ASB15: variants seen among roughly 807,000 people sequenced by gnomAD.
The protein encoded by ASB15 is ankyrin repeat and SOCS box protein 15.
Under a neutral mutation model 58.0 loss-of-function variants are expected in ASB15, and 54 were observed. The ratio of observed to expected loss-of-function variants is 0.93; its 90% CI spans 0.75 to 1.17. The LOEUF (loss-of-function observed/expected upper bound fraction) is 1.17. Ranked by LOEUF, ASB15 falls within the 50% of genes most tolerant of loss-of-function variation. The probability of loss-of-function intolerance (pLI) is 0.00; values close to 1 mark genes in which losing one functional copy is unlikely to be tolerated. For synonymous variants in ASB15, 249 were observed against 262.4 expected (o/e 0.95, Z 0.50); for missense variants, 680 against 707.4 (o/e 0.96, Z 0.44).
intron 9 of ASB15, 32 bp from the exon 10 acceptor site, chr7:123,628,832 T>G (rs1801962090): frequency 1.5e-6 from 2 of 1,375,728 alleles, no homozygotes; most frequent in South Asian, 2.9e-5. Flanking sequence ...ATTTTCTTTA[T>G]GGCAAGTAGA....
At chr7:123,588,559 CT>C (rs1221828335) in intron 1 of ASB15, among the ~76,000 whole-genome samples, 1 of 148,850 alleles carries the variant, frequency 6.7e-6, no homozygotes, top group African/African-American at 2.5e-5. Flanking sequence ...TTCTTTCCTT[CT>C]TCCTTCCTTC....
At chr7:123,624,894 A>G (rs181853307) in intron 8 of ASB15, 80 bp downstream of exon 8, 2 of 1,458,432 alleles carry the variant, frequency 1.4e-6, no homozygotes, top group East Asian at 2.5e-5. Flanking sequence ...ACTCTTCCTC[A>G]CCTGAATGTA....
chr7:123,620,762 C>A (rs1270724311), intron 7 of ASB15, among the ~76,000 whole-genome samples: 1 of 150,176 alleles, frequency 6.7e-6, no homozygotes, highest in African/African-American at 2.5e-5. Flanking sequence ...CAGGGTTTCA[C>A]CATGTTAGCT....
rs1802505701 is a variant in ASB15 at position 123,637,889 on chromosome 7, A to AAAAAAAAAAAAAAAAAAAAAAAC, written c.*919_*920insAAAAAAAAAAACAAAAAAAAAAA. On this transcript the variant is annotated 3_prime_UTR_variant, in exon 12 of 12. Transcript: ENST00000451215. ...GTCCCCAGATGAACTAAAAAAAAAA[A>AAAAAAAAAAAAAAAAAAAAAAAC]AAAAAAAAAAACCTCTTTCCCGAGC... 1 of 148,958 alleles carries AAAAAAAAAAAAAAAAAAAAAAAC rather than the reference A, an allele frequency of 6.7e-6. No homozygotes were observed. Among genetic ancestry groups the AAAAAAAAAAAAAAAAAAAAAAAC allele is most frequent in the South Asian group, 2.2e-4 (1 of 4,554 alleles). 9.2% of individuals were successfully genotyped at this position (148,958 alleles called of 1,614,324 possible).
chr7:123,601,418 G>T (rs1799876971), upstream of ASB15, among the ~76,000 whole-genome samples: 1 of 152,118 alleles, frequency 6.6e-6, no homozygotes. Flanking sequence ...ATGACAAGAA[G>T]ATTGTATTTA....
rs1802511591 is a variant in ASB15 at position 123,637,982 on chromosome 7, C to G, written c.*1001C>G. On this transcript the variant is annotated 3_prime_UTR_variant, in exon 12 of 12. Transcript: ENST00000451215. ...AGCCTGGACATTAGGTTTGACCATC[C>G]CATTTTCCTCACCCAATAAGACAAA... 6.6e-6 allele frequency: 1 copy of G among 151,302 alleles called. No homozygotes were observed. The highest frequency in any genetic ancestry group is 2.1e-4 in the South Asian group (1 of 4,768). 9.4% of individuals were successfully genotyped at this position (151,302 alleles called of 1,614,324 possible).
chr7:123,580,065 T>C (rs1799183355), intron 1 of ASB15, among the ~76,000 whole-genome samples: 1 of 151,918 alleles, frequency 6.6e-6, no homozygotes, highest in African/African-American at 2.4e-5. Flanking sequence ...GGAAAAGAGA[T>C]TGGCGGGATT....
chr7:123,575,004 C>G (rs1799024675), intron 1 of ASB15, among the ~76,000 whole-genome samples: 1 of 150,334 alleles, frequency 6.7e-6, no homozygotes, highest in Non-Finnish European at 1.5e-5. Flanking sequence ...TACATTGATC[C>G]TTTTCCCTAA....
chr7:123,615,334 A>G (rs1800733023), intron 4 of ASB15: 1 of 152,180 alleles, frequency 6.6e-6, no homozygotes, highest in African/African-American at 2.4e-5. Context: ...AGTGTTTAAA[A>G]TCTTGTATTC....
At chr7:123,630,143 C>T in intron 11 of ASB15, 24 bp downstream of exon 11, 1 of 1,528,310 alleles carries the variant, frequency 6.5e-7, no homozygotes, top group Non-Finnish European at 8.9e-7. Flanking sequence ...GTTTTGCCTA[C>T]AATTTTTAAA....
rs1359047916 is a variant in ASB15 at position 123,629,380 on chromosome 7, G to C, written c.1386G>C (p.Glu462Asp). 1.9e-6 allele frequency: 3 copies of C among 1,613,780 alleles called. No homozygotes were observed. The highest frequency in any genetic ancestry group is 3.3e-5 in the Admixed American group (2 of 60,012). Reference protein sequence around the residue: ...DIFGNSFVWSEIQEEVLPGWT... With the variant: ...DIFGNSFVWSDIQEEVLPGWT... ...TTGGAAATTCATTTGTGTGGTCAGA[G>C]ATACAGGAAGAGGTGCTGCCAGGAT... Residue 462 changes from glutamate (E) to aspartate (D), a missense_variant, in exon 10 of 12, where the codon GAG (glutamate) becomes GAC (aspartate). Transcript: ENST00000451215.
chr7:123,574,069 ATTT>A (rs1455791079), intron 1 of ASB15, among the ~76,000 whole-genome samples: 1 of 152,094 alleles, frequency 6.6e-6, no homozygotes, highest in Non-Finnish European at 1.5e-5. Flanking sequence ...ATAGCAGTCT[ATTT>A]CCACATGATT....
chr7:123,586,499 T>C (rs956100030), intron 1 of ASB15, among the ~76,000 whole-genome samples: 1 of 151,788 alleles, frequency 6.6e-6, no homozygotes, highest in African/African-American at 2.4e-5. Context: ...ATTTTCTCCC[T>C]TGGTTGCATT....
At chr7:123,636,074 A>G (rs1312636004) in intron 11 of ASB15, among the ~76,000 whole-genome samples, 1 of 152,100 alleles carries the variant, frequency 6.6e-6, no homozygotes, top group Non-Finnish European at 1.5e-5. Context: ...TATTTCACAG[A>G]TGAGAATACC....
chr7:123,584,702 A>G (rs928086406), intron 1 of ASB15, among the ~76,000 whole-genome samples: 1 of 152,032 alleles, frequency 6.6e-6, no homozygotes, highest in East Asian at 1.9e-4. Context: ...TTAGCTTTCA[A>G]TGTGCCAGAA....
At position 123,614,493 on chromosome 7, in the gene ASB15, A is replaced by G; in HGVS notation, c.-2-8A>G. The G allele has an allele frequency of 2.6e-6, 4 of 1,530,860 alleles. No individual in the cohort carries two copies. The highest frequency in any genetic ancestry group is 3.6e-6 in the Non-Finnish European group (4 of 1,107,544). 94.8% of individuals were successfully genotyped at this position (1,530,860 alleles called of 1,614,324 possible). ...ATAAGAACTTGTCTCGTTCAAAATTATATGCAGGAATGGATACTAATGATG... is the reference window on the plus strand; with the variant it reads ...ATAAGAACTTGTCTCGTTCAAAATTGTATGCAGGAATGGATACTAATGATG... On this transcript the variant is annotated splice_polypyrimidine_tract_variant and splice_region_variant and intron_variant, in intron 3 of 11. Coordinates refer to ENST00000451215, the MANE Select transcript of ASB15 (RefSeq NM_001290258.2).
Position 123,624,834 on chromosome 7 carries a change from A to T in ASB15, c.697+20A>T, listed in dbSNP as rs978199674. The T allele has an allele frequency of 7.5e-6, 12 of 1,605,782 alleles. No homozygotes were observed. The highest frequency in any genetic ancestry group is 9.4e-6 in the Non-Finnish European group (11 of 1,175,100). On this transcript the variant is annotated intron_variant, in intron 8 of 11. Transcript: ENST00000451215. ...ACAAAGGTATGTGAAAAGGAGTTAC[A>T]CTTCCTGACTTTTGTCCTGCCTCTC...
chr7:123,593,252 G>A (rs1799594462), intron 1 of ASB15, among the ~76,000 whole-genome samples: 1 of 151,984 alleles, frequency 6.6e-6, no homozygotes, highest in East Asian at 1.9e-4. Context: ...CTTGTAATTG[G>A]GGCATTTAGC....
At chr7:123,607,733 T>C (rs1488316121) in intron 2 of ASB15, among the ~76,000 whole-genome samples, 2 of 152,166 alleles carry the variant, frequency 1.3e-5, no homozygotes, top group Non-Finnish European at 2.9e-5. Flanking sequence ...GCAATCCACC[T>C]ATCTCAGCCT....
Sources: gnomAD v4.1 joint callset for allele counts (sites outside exome capture counted in the v4.1 genomes callset) on GRCh38, gnomAD v4.1.1 for gene constraint, MANE v1.5 for transcripts, NCBI Gene and HGNC (gene_info 2026-07-23, HGNC 2026-07-21) for gene names.